The following ARL13B variants were observed in gnomAD, a reference collection of about 807,000 sequenced individuals.
The protein encoded by ARL13B is ADP-ribosylation factor-like protein 13B.
ARL13B carries 36 observed loss-of-function variants against 56.1 expected under a neutral mutation model. That is an observed-to-expected ratio of 0.64 (90% confidence interval 0.49 to 0.85). ARL13B has a LOEUF of 0.85. ARL13B is among the 40% of genes least tolerant of loss of function. The pLI is 0.00. For synonymous variants in ARL13B, 178 were observed against 171.1 expected (o/e 1.04, Z -0.32); for missense variants, 519 against 507.1 (o/e 1.02, Z -0.23).
At chr3:93,985,779 A>G (rs1411486305) in intron 1 of ARL13B, among the ~76,000 whole-genome samples, 3 of 152,166 alleles carry the variant, frequency 2.0e-5, no homozygotes, top group Non-Finnish European at 4.4e-5. Context: ...TTTAATTGGA[A>G]CTGATTTCTT....
At chr3:93,988,360 C>G (rs1479574213) in intron 1 of ARL13B, among the ~76,000 whole-genome samples, 7 of 152,128 alleles carry the variant, frequency 4.6e-5, no homozygotes, top group African/African-American at 9.7e-5. Flanking sequence ...AACTAAGCCC[C>G]CATCTGTGGA....
At position 94,043,120 on chromosome 3, in the gene ARL13B, G is replaced by C; in HGVS notation, c.904G>C (p.Gly302Arg). 6.2e-7 allele frequency: 1 copy of C among 1,613,678 alleles called. No individual in the cohort carries two copies. Among genetic ancestry groups the C allele is most frequent in the Non-Finnish European group, 8.5e-7 (1 of 1,179,898 alleles). Residue 302 changes from glycine to arginine, a missense_variant, in exon 7 of 10, where the codon GGC becomes CGC. By Grantham distance (125) the Gly-to-Arg change is moderately radical (BLOSUM62 -2). Coordinates refer to ENST00000394222, the MANE Select transcript of ARL13B (RefSeq NM_001174150.2). Reference sequence around the variant, plus strand: ...GGAGCATGAGCAAATAGAGACACAAGGCCAGGTTAATCACAATGGCCAAAA... The same window carrying C: ...GGAGCATGAGCAAATAGAGACACAACGCCAGGTTAATCACAATGGCCAAAA... The part of the protein sequence containing the change: ...KMEHEQIETQ[G>R]QVNHNGQKNN...
chr3:93,992,659 T>C (rs1307977905), intron 1 of ARL13B, among the ~76,000 whole-genome samples: 1 of 152,234 alleles, frequency 6.6e-6, no homozygotes, highest in Non-Finnish European at 1.5e-5. Context: ...TGGCAATGTT[T>C]AAAGCACTGT....
intron 3 of ARL13B, among the ~76,000 whole-genome samples, chr3:94,010,632 C>A (rs2076208498): frequency 6.6e-6 from 1 of 151,882 alleles, no homozygotes; most frequent in South Asian, 2.1e-4. Context: ...CAAAATGCTA[C>A]AACTAATTAA....
intron 1 of ARL13B, among the ~76,000 whole-genome samples, chr3:93,984,911 G>A (rs980580988): frequency 5.3e-4 from 80 of 152,210 alleles, no homozygotes; most frequent in African/African-American, 1.9e-3. Flanking sequence ...TTGGGGGGCT[G>A]AGGCAGGAGG....
intron 2 of ARL13B, among the ~76,000 whole-genome samples, chr3:93,999,765 G>T (rs1350551371): frequency 6.6e-6 from 1 of 152,138 alleles, no homozygotes; most frequent in Non-Finnish European, 1.5e-5. Flanking sequence ...ATGGTTGTCA[G>T]TAATTGCATT....
At chr3:94,041,499 T>A (rs912482730) in intron 6 of ARL13B, among the ~76,000 whole-genome samples, 3 of 151,824 alleles carry the variant, frequency 2.0e-5, no homozygotes, top group Admixed American at 6.6e-5. Flanking sequence ...GAGGAAAAAA[T>A]TTCAAAGCAG....
intron 3 of ARL13B, among the ~76,000 whole-genome samples, chr3:94,032,662 A>G (rs1402180971): frequency 1.3e-5 from 2 of 151,980 alleles, no homozygotes; most frequent in Admixed American, 6.6e-5. Context: ...ACGCCCGGCT[A>G]GTTTTTTGTA....
chr3:93,989,419 T>A (rs543409134), intron 1 of ARL13B, among the ~76,000 whole-genome samples: 131 of 152,142 alleles, frequency 8.6e-4, no homozygotes, highest in African/African-American at 3.0e-3. Flanking sequence ...CGGGGATGGT[T>A]GTGAAGGGCT....
intron 2 of ARL13B, among the ~76,000 whole-genome samples, chr3:93,999,580 C>T (rs2107407360): frequency 6.6e-6 from 1 of 152,176 alleles, no homozygotes; most frequent in Non-Finnish European, 1.5e-5. Context: ...TTGCGTTACT[C>T]TTTCAGTTGT....
intron 3 of ARL13B, among the ~76,000 whole-genome samples, chr3:94,020,641 TATAG>T (rs1440404763): frequency 6.6e-6 from 1 of 152,192 alleles, no homozygotes; most frequent in Non-Finnish European, 1.5e-5. Flanking sequence ...AAAGGTGTTT[TATAG>T]ATATTAAAAG....
chr3:94,007,994 C>A (rs1030561589), intron 3 of ARL13B, among the ~76,000 whole-genome samples: 3 of 152,116 alleles, frequency 2.0e-5, no homozygotes, highest in Admixed American at 1.3e-4. Flanking sequence ...GTTGATAACC[C>A]TGATAAGTCA....
chr3:93,985,178 A>G (rs1275687568), intron 1 of ARL13B, among the ~76,000 whole-genome samples: 1 of 152,180 alleles, frequency 6.6e-6, no homozygotes, highest in African/African-American at 2.4e-5. Context: ...AAAAACTGTT[A>G]ATCTATTGCA....
intron 3 of ARL13B, among the ~76,000 whole-genome samples, chr3:94,025,500 G>A (rs1034934521): frequency 1.3e-5 from 2 of 152,148 alleles, no homozygotes; most frequent in African/African-American, 4.8e-5. Context: ...GTTATTTCTA[G>A]TTTCTTAGGA....
At chr3:94,002,374 A>G (rs1385245431) in intron 2 of ARL13B, among the ~76,000 whole-genome samples, 8 of 152,144 alleles carry the variant, frequency 5.3e-5, no homozygotes, top group Admixed American at 5.2e-4. Flanking sequence ...GCCACCACAT[A>G]TGGCTTTTGA....
At chr3:94,024,710 C>T (rs932592199) in intron 3 of ARL13B, among the ~76,000 whole-genome samples, 4 of 152,056 alleles carry the variant, frequency 2.6e-5, no homozygotes, top group Admixed American at 6.6e-5. Context: ...CTCAGCCTCC[C>T]GAGTAGCTGG....
chr3:94,036,600 A>T lies in ARL13B; in HGVS notation c.535A>T (p.Ile179Phe). 1.2e-6 allele frequency: 2 copies of T among 1,614,158 alleles called. No individual in the cohort carries two copies. The highest frequency in any genetic ancestry group is 3.3e-5 in the Admixed American group (2 of 60,028). ...GTATGGAAAGAAAATTGACAAGTCCATTAAAAAAGGCCTTTATTGGCTGCT... is the reference window on the plus strand; with the variant it reads ...GTATGGAAAGAAAATTGACAAGTCCTTTAAAAAAGGCCTTTATTGGCTGCT... The part of the protein sequence containing the change: ...SGYGKKIDKS[I>F]KKGLYWLLHV... Residue 179 changes from isoleucine (I) to phenylalanine (F), a missense_variant, in exon 5 of 10, where the codon ATT becomes TTT. Ile to Phe is a conservative substitution (Grantham distance 21). Transcript: ENST00000394222.
rs2077112917 is a variant in ARL13B at position 94,054,411 on chromosome 3, A to G, written c.*1148A>G. On this transcript the variant is annotated 3_prime_UTR_variant, in exon 10 of 10. Coordinates refer to ENST00000394222, the MANE Select transcript of ARL13B (RefSeq NM_001174150.2). ...AAGAATGGCATCCATAAGATTCTGT[A>G]TTTGGCATTTAGACTAACTTCTAGA... The G allele has an allele frequency of 2.6e-6, 1 of 387,434 alleles. No individual in the cohort carries two copies. The highest frequency in any genetic ancestry group is 5.1e-6 in the Non-Finnish European group (1 of 197,888). 24.0% of individuals were successfully genotyped at this position (387,434 alleles called of 1,614,324 possible).
chr3:93,981,824 A>G (rs1710229599), intron 1 of ARL13B, among the ~76,000 whole-genome samples: 1 of 142,938 alleles, frequency 7.0e-6, no homozygotes, highest in Admixed American at 7.5e-5. Flanking sequence ...CAGTGAGCCG[A>G]TATCGCTGCA....
Sources: allele counts gnomAD v4.1 joint callset (sites outside exome capture counted in the v4.1 genomes callset), GRCh38; gene constraint gnomAD v4.1.1; transcripts MANE v1.5; gene names NCBI Gene and HGNC (gene_info 2026-07-23, HGNC 2026-07-21).